The following PCLO variants were observed in gnomAD, a reference collection of about 807,000 sequenced individuals.
The protein encoded by PCLO is protein piccolo.
PCLO carries 82 observed loss-of-function variants against 427.5 expected under a neutral mutation model. The ratio of observed to expected loss-of-function variants is 0.19; its 90% CI spans 0.16 to 0.23. PCLO has a LOEUF of 0.23. Among genes scored for constraint, PCLO ranks in the 10% least tolerant of loss-of-function variants. The pLI is 1.00. For missense variants in PCLO, 6,239 were observed against 6,115.9 expected (o/e 1.02, Z -0.67); for synonymous variants, 2,357 against 2,155.4 (o/e 1.09, Z -2.59).
intron 6 of PCLO, among the ~76,000 whole-genome samples, chr7:82,936,854 A>G (rs150315869): frequency 6.6e-6 from 1 of 151,908 alleles, no homozygotes; most frequent in Non-Finnish European, 1.5e-5. Flanking sequence ...TACAAAGTAG[A>G]TGAACATAGA....
intron 3 of PCLO, among the ~76,000 whole-genome samples, chr7:83,049,126 T>C (rs895617299): frequency 6.6e-6 from 1 of 152,142 alleles, no homozygotes; most frequent in African/African-American, 2.4e-5. Flanking sequence ...GTTCACCTCT[T>C]AGGGAACAGA....
intron 6 of PCLO, among the ~76,000 whole-genome samples, chr7:82,943,754 C>A (rs1384611443): frequency 6.6e-6 from 1 of 151,692 alleles, no homozygotes; most frequent in African/African-American, 2.4e-5. Flanking sequence ...AAACATGGTA[C>A]TAGAGATAAT....
intron 3 of PCLO, among the ~76,000 whole-genome samples, chr7:83,098,356 G>A (rs1422755071): frequency 6.6e-6 from 1 of 152,066 alleles, no homozygotes; most frequent in Non-Finnish European, 1.5e-5. Flanking sequence ...TTAGTGTATT[G>A]TTAATGATCA....
intron 20 of PCLO, among the ~76,000 whole-genome samples, chr7:82,808,162 C>T (rs761341502): frequency 2.6e-5 from 4 of 151,826 alleles, no homozygotes; most frequent in Non-Finnish European, 4.4e-5. Flanking sequence ...TTTAGTATGA[C>T]ATTGAATGGA....
rs528274543 is a variant in PCLO at position 83,024,462 on chromosome 7, C to G, written c.3301-57975G>C. Among the ~76,000 whole-genome samples, 6 of 152,280 alleles carry G rather than the reference C, an allele frequency of 3.9e-5. No homozygotes were observed. In the South Asian group the frequency reaches 8.3e-4, roughly 21 times the overall value. ...CGTGGCTCGGAGGGTCCTACGCCCA[C>G]GGAGTCTCGCTGATTGCTAGCACGG... On this transcript the variant is annotated intron_variant, in intron 3 of 24. Coordinates refer to ENST00000333891, the MANE Select transcript of PCLO (RefSeq NM_033026.6).
At chr7:83,040,600 G>A (rs984199639) in intron 3 of PCLO, among the ~76,000 whole-genome samples, 3 of 152,098 alleles carry the variant, frequency 2.0e-5, no homozygotes, top group East Asian at 1.9e-4. Flanking sequence ...ATTATTTTCC[G>A]GCAGACTAGC....
At chr7:83,088,326 T>C (rs547914465) in intron 3 of PCLO, among the ~76,000 whole-genome samples, 1 of 152,196 alleles carries the variant, frequency 6.6e-6, no homozygotes, top group African/African-American at 2.4e-5. Context: ...TTTGCATCCC[T>C]GGGGAACAAA....
At chr7:83,144,881 G>A (rs1791954390) in intron 2 of PCLO, among the ~76,000 whole-genome samples, 1 of 152,164 alleles carries the variant, frequency 6.6e-6, no homozygotes, top group South Asian at 2.1e-4. Context: ...TGCATAAGTA[G>A]AAATCTGTTC....
At position 82,756,600 on chromosome 7, in the gene PCLO, C is replaced by G. The variant is rs1387998042; in HGVS notation, c.*1975G>C. 3 of 151,774 alleles carry G rather than the reference C, an allele frequency of 2.0e-5. No individual in the cohort carries two copies. Among genetic ancestry groups the G allele is most frequent in the Non-Finnish European group, 4.4e-5 (3 of 67,934 alleles). The allele number at this position is 151,774 out of a possible 1,614,324, so 9.4% of individuals were successfully genotyped here. A position where few individuals can be genotyped will look rare whatever the true frequency, so the allele number is the denominator to read the frequency against. On this transcript the variant is annotated 3_prime_UTR_variant, in exon 25 of 25. Coordinates refer to ENST00000333891, the MANE Select transcript of PCLO (RefSeq NM_033026.6). The stretch of plus-strand genomic sequence containing the variant: ...TCTCTTATTTTTAGTGCTTTACAGT[C>G]CTCTCAAATTTAGAGCATTTTTTCT...
intron 3 of PCLO, among the ~76,000 whole-genome samples, chr7:83,112,989 A>G (rs937525554): frequency 3.3e-5 from 5 of 152,210 alleles, no homozygotes; most frequent in Non-Finnish European, 5.9e-5. Flanking sequence ...TCAAAAAATG[A>G]TAATTTTTAT....
intron 9 of PCLO, among the ~76,000 whole-genome samples, chr7:82,901,657 A>C (rs867058287): frequency 6.6e-6 from 1 of 152,110 alleles, no homozygotes; most frequent in Non-Finnish European, 1.5e-5. Flanking sequence ...AATGGGAGAA[A>C]ATTTTTGCAA....
intron 3 of PCLO, among the ~76,000 whole-genome samples, chr7:83,093,777 G>A (rs1404020159): frequency 7.3e-6 from 1 of 136,316 alleles, no homozygotes; most frequent in South Asian, 2.3e-4. Context: ...ACAGGCATAA[G>A]CCACCACGCC....
intron 16 of PCLO, among the ~76,000 whole-genome samples, chr7:82,834,604 C>T (rs1396663092): frequency 6.6e-6 from 1 of 152,074 alleles, no homozygotes; most frequent in African/African-American, 2.4e-5. Context: ...GATTAAAATT[C>T]CCATCACCCT....
At chr7:82,927,255 A>C (rs2116323773) in intron 6 of PCLO, among the ~76,000 whole-genome samples, 1 of 152,306 alleles carries the variant, frequency 6.6e-6, no homozygotes, top group Admixed American at 6.5e-5. Context: ...TTTAATATTT[A>C]TATAACTAGC....
At position 82,954,701 on chromosome 7, in the gene PCLO, C is replaced by T. The variant is rs768083604; in HGVS notation, c.6252G>A (p.Gln2084=). The T allele has an allele frequency of 6.2e-7, 1 of 1,613,848 alleles. No homozygotes were observed. Among genetic ancestry groups the T allele is most frequent in the Non-Finnish European group, 8.5e-7 (1 of 1,179,846 alleles). Reference sequence around the variant, plus strand: ...CTGTCATATCCTCACCAATGGGGGCCTGGGTTGGGCTAGATCCAGGTGTTA... The same window carrying T: ...CTGTCATATCCTCACCAATGGGGGCTTGGGTTGGGCTAGATCCAGGTGTTA... ...MQLTPGSSPT[Q]APIGEDMTES... The change falls in exon 5 of 25, where the codon CAG becomes CAA. Residue 2084 remains glutamine, a synonymous_variant. Coordinates refer to ENST00000333891, the MANE Select transcript of PCLO (RefSeq NM_033026.6).
intron 10 of PCLO, among the ~76,000 whole-genome samples, chr7:82,853,637 A>G (rs1792725944): frequency 6.6e-6 from 1 of 152,200 alleles, no homozygotes; most frequent in Non-Finnish European, 1.5e-5. Context: ...AACAGAATAC[A>G]CACTATTTTT....
chr7:83,009,122 T>C (rs1469408437), intron 3 of PCLO, among the ~76,000 whole-genome samples: 1 of 151,784 alleles, frequency 6.6e-6, no homozygotes, highest in East Asian at 1.9e-4. Flanking sequence ...TATTTTTAAA[T>C]GTCTAAATAT....
intron 3 of PCLO, among the ~76,000 whole-genome samples, chr7:82,971,755 T>TAC (rs2115706053): frequency 6.7e-6 from 1 of 149,698 alleles, no homozygotes; most frequent in South Asian, 2.1e-4. Flanking sequence ...TATATATATA[T>TAC]ATATATGTAC....
At chr7:82,779,961 G>T (rs1420460836) in intron 22 of PCLO, among the ~76,000 whole-genome samples, 6 of 152,058 alleles carry the variant, frequency 3.9e-5, no homozygotes, top group Admixed American at 3.3e-4. Context: ...AACTAATAGA[G>T]TGTTCAGCAT....
Sources: gnomAD v4.1 joint callset for allele counts (sites outside exome capture counted in the v4.1 genomes callset) on GRCh38, gnomAD v4.1.1 for gene constraint, MANE v1.5 for transcripts, NCBI Gene and HGNC (gene_info 2026-07-23, HGNC 2026-07-21) for gene names.